CTNNA3: variants seen among roughly 807,000 people sequenced by gnomAD.
CTNNA3 encodes the protein catenin alpha-3.
Under a neutral mutation model 95.7 loss-of-function variants are expected in CTNNA3, and 76 were observed. That is an observed-to-expected ratio of 0.79 (90% confidence interval 0.66 to 0.96). CTNNA3 has a LOEUF of 0.96. Among genes scored for constraint, CTNNA3 ranks in the 40% least tolerant of loss-of-function variants. The pLI is 0.00. For missense variants in CTNNA3, 1,191 were observed against 1,089.8 expected (o/e 1.09, Z -1.31); for synonymous variants, 431 against 374.4 (o/e 1.15, Z -1.74).
chr10:67,454,119 A>G (rs909849409), intron 5 of CTNNA3, among the ~76,000 whole-genome samples: 2 of 152,166 alleles, frequency 1.3e-5, no homozygotes, highest in African/African-American at 4.8e-5. Context: ...CAGAATCACT[A>G]TATTAGAGAT....
Position 66,340,666 on chromosome 10 carries a change from G to C in CTNNA3, c.1732+38486C>G, listed in dbSNP as rs558279630. On this transcript the variant is annotated intron_variant, in intron 12 of 17. Coordinates refer to ENST00000433211, the MANE Select transcript of CTNNA3 (RefSeq NM_013266.4). The stretch of plus-strand genomic sequence containing the variant: ...TTTCAATACATGAAATATTATTAAA[G>C]ATAGTGTCTTAAATAATATCTCATA... 4.0e-5 allele frequency among the ~76,000 whole-genome samples: 6 copies of C among 151,704 alleles called. No homozygotes were observed. In the East Asian group the frequency reaches 1.2e-3, roughly 29 times the overall value.
chr10:67,119,448 C>G (rs1476489770), intron 7 of CTNNA3, among the ~76,000 whole-genome samples: 1 of 151,876 alleles, frequency 6.6e-6, no homozygotes, highest in African/African-American at 2.4e-5. Context: ...CAAAGACTTG[C>G]AGCGAAAAGC....
chr10:65,932,088 G>C (rs1421885385), intron 17 of CTNNA3, among the ~76,000 whole-genome samples: 1 of 152,142 alleles, frequency 6.6e-6, no homozygotes, highest in Non-Finnish European at 1.5e-5. Flanking sequence ...GAGGGAAGTA[G>C]AGCTGAGGGG....
chr10:66,724,485 T>C (rs1197648838), intron 9 of CTNNA3, among the ~76,000 whole-genome samples: 1 of 152,188 alleles, frequency 6.6e-6, no homozygotes, highest in Non-Finnish European at 1.5e-5. Flanking sequence ...ATGTGTTATG[T>C]GGTTTTTGGC....
intron 11 of CTNNA3, among the ~76,000 whole-genome samples, chr10:66,480,598 AATTT>A (rs1006212716): frequency 6.6e-6 from 1 of 151,470 alleles, no homozygotes; most frequent in African/African-American, 2.4e-5. Flanking sequence ...TTGGCAAAAT[AATTT>A]ATTTATTTAT....
chr10:67,107,783 CACTGGGAAG>C (rs766613364), intron 7 of CTNNA3, among the ~76,000 whole-genome samples: 13 of 152,176 alleles, frequency 8.5e-5, no homozygotes, highest in South Asian at 2.1e-4. Flanking sequence ...CAGGTCTGCA[CACTGGGAAG>C]GTGCACTCGG....
chr10:66,540,874 C>G (rs1841826702), intron 10 of CTNNA3, among the ~76,000 whole-genome samples: 1 of 152,108 alleles, frequency 6.6e-6, no homozygotes, highest in South Asian at 2.1e-4. Context: ...TATTCCCTCT[C>G]AGGCTTTATC....
At chr10:67,112,638 A>C (rs995852798) in intron 7 of CTNNA3, among the ~76,000 whole-genome samples, 28 of 151,294 alleles carry the variant, frequency 1.9e-4, no homozygotes, top group Non-Finnish European at 5.9e-5. Context: ...TTTTTTTCTA[A>C]ATTTCAGAGC....
intron 5 of CTNNA3, among the ~76,000 whole-genome samples, chr10:67,340,426 A>C (rs1473625857): frequency 1.3e-5 from 2 of 152,252 alleles, no homozygotes; most frequent in Non-Finnish European, 2.9e-5. Context: ...TGAATGCAAA[A>C]AACTGCCCAT....
Position 66,130,263 on chromosome 10 carries a change from G to T in CTNNA3, c.1885-27014C>A, listed in dbSNP as rs531832113. Reference sequence around the variant, plus strand: ...ACTAAATGCCTACATCAAAAAGTTAGAAAGATCTCCAGCTCACAACCTAAC... The same window carrying T: ...ACTAAATGCCTACATCAAAAAGTTATAAAGATCTCCAGCTCACAACCTAAC... On this transcript the variant is annotated intron_variant, in intron 13 of 17. Coordinates refer to ENST00000433211, the MANE Select transcript of CTNNA3 (RefSeq NM_013266.4). Among the ~76,000 whole-genome samples, 3 of 152,234 alleles carry T rather than the reference G, an allele frequency of 2.0e-5. No individual in the cohort carries two copies. In the South Asian group the frequency reaches 6.2e-4, roughly 32 times the overall value.
At chr10:67,344,101 AT>A (rs539506010) in intron 5 of CTNNA3, among the ~76,000 whole-genome samples, 2 of 151,668 alleles carry the variant, frequency 1.3e-5, no homozygotes, top group South Asian at 4.2e-4. Flanking sequence ...TGAATGTATG[AT>A]TTTTGTCCTT....
intron 15 of CTNNA3, among the ~76,000 whole-genome samples, chr10:65,993,568 T>C (rs2133342119): frequency 6.6e-6 from 1 of 152,360 alleles, no homozygotes; most frequent in East Asian, 1.9e-4. Flanking sequence ...GAGATACTTA[T>C]GCTCACTTTT....
At chr10:67,759,649 T>C (rs761616913) in intron 1 of CTNNA3, among the ~76,000 whole-genome samples, 36 of 152,306 alleles carry the variant, frequency 2.4e-4, no homozygotes, top group Middle Eastern at 3.4e-3. Flanking sequence ...GTGAATATAA[T>C]AGAATAATCA....
chr10:67,051,232 G>GTGA (rs1855070159), intron 7 of CTNNA3, among the ~76,000 whole-genome samples: 1 of 152,028 alleles, frequency 6.6e-6, no homozygotes, highest in South Asian at 2.1e-4. Context: ...AAATGAAGAC[G>GTGA]TGAACTAAAT....
chr10:66,711,827 C>T (rs539399455), intron 9 of CTNNA3, among the ~76,000 whole-genome samples: 11 of 152,220 alleles, frequency 7.2e-5, no homozygotes, highest in Middle Eastern at 6.8e-3. Flanking sequence ...GTCTCGGCCT[C>T]TCAAAGTGCT....
At chr10:66,941,447 A>G (rs956815562) in intron 7 of CTNNA3, among the ~76,000 whole-genome samples, 1 of 152,192 alleles carries the variant, frequency 6.6e-6, no homozygotes, top group East Asian at 1.9e-4. Context: ...TTTTAAGTAA[A>G]ATTTACAAAT....
At chr10:66,202,281 A>C (rs2087476027) in intron 13 of CTNNA3, among the ~76,000 whole-genome samples, 1 of 152,118 alleles carries the variant, frequency 6.6e-6, no homozygotes, top group Admixed American at 6.5e-5. Flanking sequence ...GTGAACTAAA[A>C]CCTAAATGGA....
At chr10:66,091,930 C>G (rs967389978) in intron 14 of CTNNA3, among the ~76,000 whole-genome samples, 2 of 151,794 alleles carry the variant, frequency 1.3e-5, no homozygotes, top group Non-Finnish European at 2.9e-5. Flanking sequence ...AAGATAATTT[C>G]CAGTCTAGCT....
intron 10 of CTNNA3, among the ~76,000 whole-genome samples, chr10:66,540,085 G>C (rs188945595): frequency 6.6e-6 from 1 of 152,038 alleles, no homozygotes; most frequent in East Asian, 1.9e-4. Context: ...ACAATAATAA[G>C]AAGAGGTATT....
Sources: gnomAD v4.1 joint callset for allele counts (sites outside exome capture counted in the v4.1 genomes callset) on GRCh38, gnomAD v4.1.1 for gene constraint, MANE v1.5 for transcripts, NCBI Gene and HGNC (gene_info 2026-07-23, HGNC 2026-07-21) for gene names.